GLIS1: variants seen among roughly 807,000 people sequenced by gnomAD.
The protein encoded by GLIS1 is zinc finger protein GLIS1.
GLIS1 carries 24 observed loss-of-function variants against 63.8 expected under a neutral mutation model. The observed-to-expected ratio is 0.38, with a 90% confidence interval of 0.27 to 0.53. The LOEUF (loss-of-function observed/expected upper bound fraction) is 0.53, where lower values mean the gene tolerates loss of function less well. Among genes scored for constraint, GLIS1 ranks in the 20% least tolerant of loss-of-function variants. The pLI is 0.85. For synonymous variants in GLIS1, 450 were observed against 482.5 expected (o/e 0.93, Z 0.88); for missense variants, 1,036 against 1,074.1 (o/e 0.96, Z 0.50).
chr1:53,558,251 C>A (rs1435753163), intron 4 of GLIS1, among the ~76,000 whole-genome samples: 1 of 152,236 alleles, frequency 6.6e-6, no homozygotes, highest in Non-Finnish European at 1.5e-5. Flanking sequence ...AAGGACCTCT[C>A]CAGGCAGGCC....
At chr1:53,676,695 C>T (rs994942296) in intron 2 of GLIS1, among the ~76,000 whole-genome samples, 10 of 152,142 alleles carry the variant, frequency 6.6e-5, no homozygotes, top group Admixed American at 5.9e-4. Flanking sequence ...CCCCAGCCCT[C>T]GGGCTGAGCC....
chr1:53,573,713 C>T (rs1645006248), intron 4 of GLIS1, among the ~76,000 whole-genome samples: 1 of 152,210 alleles, frequency 6.6e-6, no homozygotes, highest in African/African-American at 2.4e-5. Context: ...CAGATGCATG[C>T]ACACATGGGC....
intron 4 of GLIS1, among the ~76,000 whole-genome samples, chr1:53,593,137 A>C (rs1330713056): frequency 6.6e-6 from 1 of 152,270 alleles, no homozygotes; most frequent in African/African-American, 2.4e-5. Context: ...CACCAGCCCC[A>C]GCACACCAGC....
At chr1:53,521,829 C>T (rs1310846719) in intron 6 of GLIS1, among the ~76,000 whole-genome samples, 4 of 152,248 alleles carry the variant, frequency 2.6e-5, no homozygotes, top group Admixed American at 6.5e-5. Context: ...GCCTTCAGGA[C>T]ACTGGATGAT....
chr1:53,670,905 C>T (rs770978224), intron 2 of GLIS1, among the ~76,000 whole-genome samples: 2 of 152,228 alleles, frequency 1.3e-5, no homozygotes, highest in Admixed American at 6.5e-5. Context: ...ACAATCTAAA[C>T]GTCCAGCACC....
intron 2 of GLIS1, among the ~76,000 whole-genome samples, chr1:53,630,087 G>A (rs188688838): frequency 3.3e-4 from 51 of 152,254 alleles, no homozygotes; most frequent in African/African-American, 1.2e-3. Context: ...CATACATACA[G>A]ATATTTAGCA....
At chr1:53,571,579 A>C (rs1178621791) in intron 4 of GLIS1, among the ~76,000 whole-genome samples, 1 of 148,604 alleles carries the variant, frequency 6.7e-6, no homozygotes, top group African/African-American at 2.6e-5. Flanking sequence ...AATATGGATA[A>C]AAATTTTTTT....
intron 2 of GLIS1, among the ~76,000 whole-genome samples, chr1:53,672,710 G>A (rs1046472735): frequency 6.6e-6 from 1 of 152,214 alleles, no homozygotes; most frequent in Non-Finnish European, 1.5e-5. Flanking sequence ...AGCCTCTGAT[G>A]CTTTGTTTGA....
Position 53,542,630 on chromosome 1 carries a change from C to T in GLIS1, c.1321-12678G>A, listed in dbSNP as rs17108699. On this transcript the variant is annotated intron_variant, in intron 4 of 10. Transcript: ENST00000628545. The stretch of plus-strand genomic sequence containing the variant: ...AGCTTCCTGTACTTCCACCCTCAAA[C>T]GATGCTCCAGCTGGGACAGGGACAT... Among the ~76,000 whole-genome samples, 854 of 152,334 alleles carry T rather than the reference C, an allele frequency of 5.6e-3. 10 individuals carry two copies. Among genetic ancestry groups the T allele is most frequent in the African/African-American group, 0.019 (788 of 41,576 alleles).
At chr1:53,678,785 G>A (rs1245510316) in intron 2 of GLIS1, among the ~76,000 whole-genome samples, 1 of 152,192 alleles carries the variant, frequency 6.6e-6, no homozygotes, top group East Asian at 1.9e-4. Flanking sequence ...CCTGGGGAAG[G>A]GGGAAAGGTC....
At chr1:53,548,174 G>A (rs921218575) in intron 4 of GLIS1, among the ~76,000 whole-genome samples, 2 of 152,174 alleles carry the variant, frequency 1.3e-5, no homozygotes, top group Non-Finnish European at 2.9e-5. Context: ...GATCTCACAG[G>A]GCCGTTCTGG....
intron 7 of GLIS1, among the ~76,000 whole-genome samples, chr1:53,518,622 G>A (rs1644375794): frequency 6.6e-6 from 1 of 152,164 alleles, no homozygotes; most frequent in Non-Finnish European, 1.5e-5. Context: ...CTCAAAGCAG[G>A]GAAGATACCA....
At chr1:53,724,467 G>T (rs1646786336) in intron 2 of GLIS1, among the ~76,000 whole-genome samples, 1 of 152,154 alleles carries the variant, frequency 6.6e-6, no homozygotes, top group African/African-American at 2.4e-5. Flanking sequence ...TAGCCATAGT[G>T]TTTTTGTGGA....
In GLIS1 at chr1:53,574,412, A is replaced by G. The variant is rs1041699562; in HGVS notation, c.1320+19696T>C. ...ACACTTCTCACCTTGGAAGACAGGCATCATTACTGCCACAAGCAGCAGGGC... is the reference window on the plus strand; with the variant it reads ...ACACTTCTCACCTTGGAAGACAGGCGTCATTACTGCCACAAGCAGCAGGGC... On this transcript the variant is annotated intron_variant, in intron 4 of 10. Coordinates refer to ENST00000628545, the MANE Select transcript of GLIS1 (RefSeq NM_001367484.1). The surrounding 1 kb of genome is among the most constrained non-coding windows in gnomAD (Gnocchi z 4.2). 1.3e-5 allele frequency among the ~76,000 whole-genome samples: 2 copies of G among 152,214 alleles called. No homozygotes were observed. The highest frequency in any genetic ancestry group is 2.9e-5 in the Non-Finnish European group (2 of 68,040).
intron 7 of GLIS1, among the ~76,000 whole-genome samples, chr1:53,516,634 G>A (rs1015548520): frequency 1.3e-5 from 2 of 151,916 alleles, no homozygotes; most frequent in African/African-American, 2.4e-5. Context: ...CCAACATGGC[G>A]AAACCCTGTC....
In GLIS1 at chr1:53,526,253, A is replaced by T. The variant is rs989013225; in HGVS notation, c.1483-1366T>A. Among the ~76,000 whole-genome samples, 3 of 152,052 alleles carry T rather than the reference A, an allele frequency of 2.0e-5. No individual in the cohort carries two copies. Among genetic ancestry groups the T allele is most frequent in the African/African-American group, 7.2e-5 (3 of 41,386 alleles). ...CTCAAGGCAGCTTTGCCCCTGCTGG[A>T]CTAAGGAGAGGCCAGGCCAACCTCA... On this transcript the variant is annotated intron_variant, in intron 5 of 10. Coordinates refer to ENST00000628545, the MANE Select transcript of GLIS1 (RefSeq NM_001367484.1). The surrounding 1 kb of genome is among the most constrained non-coding windows in gnomAD (Gnocchi z 4.4).
At chr1:53,570,016 T>C (rs10788957) in intron 4 of GLIS1, among the ~76,000 whole-genome samples, 113,076 of 152,070 alleles carry the variant, frequency 0.74, 47,313 homozygotes, top group Non-Finnish European at 0.92. Flanking sequence ...AATTGATCTA[T>C]AGAGTAAATG....
At chr1:53,664,945 CAGG>C in intron 2 of GLIS1, among the ~76,000 whole-genome samples, 1 of 151,804 alleles carries the variant, frequency 6.6e-6, no homozygotes, top group South Asian at 2.1e-4. Flanking sequence ...GCCTCTGTGG[CAGG>C]AGGAGGGGGA....
chr1:53,692,054 G>A (rs889755759), intron 2 of GLIS1, among the ~76,000 whole-genome samples: 2 of 152,150 alleles, frequency 1.3e-5, no homozygotes, highest in Admixed American at 1.3e-4. Flanking sequence ...CCACTCTGCA[G>A]TTCTCCCTAT....
Sources: allele counts gnomAD v4.1 joint callset (sites outside exome capture counted in the v4.1 genomes callset), GRCh38; gene constraint gnomAD v4.1.1; non-coding constraint Gnocchi (gnomAD v3.1); transcripts MANE v1.5; gene names NCBI Gene and HGNC (gene_info 2026-07-23, HGNC 2026-07-21).